The following SGCZ variants were observed in gnomAD, a reference collection of about 807,000 sequenced individuals.
The protein encoded by SGCZ is zeta-sarcoglycan.
In SGCZ, 40 loss-of-function variants were observed where a neutral mutation model predicts 41.3. The ratio of observed to expected loss-of-function variants is 0.97; its 90% CI spans 0.75 to 1.26. SGCZ has a LOEUF of 1.26. Among genes scored for constraint, SGCZ ranks in the 50% most tolerant of loss-of-function variants. The pLI is 0.00. For synonymous variants in SGCZ, 206 were observed against 137.5 expected (o/e 1.50, Z -3.49); for missense variants, 552 against 369.8 (o/e 1.49, Z -4.04).
intron 1 of SGCZ, among the ~76,000 whole-genome samples, chr8:15,211,282 T>TA (rs5889575): frequency 0.78 from 115,007 of 147,516 alleles, 45,016 homozygotes; most frequent in Non-Finnish European, 0.83. Flanking sequence ...ACTGGTTGCC[T>TA]AAAAAAAAAA....
chr8:14,591,187 A>G (rs1805228712), intron 1 of SGCZ, among the ~76,000 whole-genome samples: 1 of 151,862 alleles, frequency 6.6e-6, no homozygotes, highest in Admixed American at 6.6e-5. Context: ...GATTACAATC[A>G]TTTAACAATA....
chr8:15,090,735 G>A lies in SGCZ; in HGVS notation c.39+146850C>T, dbSNP rs553739476. On this transcript the variant is annotated intron_variant, in intron 1 of 7. Coordinates refer to ENST00000382080, the MANE Select transcript of SGCZ (RefSeq NM_139167.4). ...ATAGATGGTTAATGATGTGTGAGTC[G>A]ATAAAACACCTAGTTTGGGACTAAT... Among the ~76,000 whole-genome samples the A allele has an allele frequency of 5.0e-4, 76 of 152,272 alleles. 1 individual carries two copies. Among genetic ancestry groups the A allele is most frequent in the African/African-American group, 1.8e-3 (74 of 41,558 alleles).
chr8:14,516,635 T>C (rs995696669), intron 2 of SGCZ, among the ~76,000 whole-genome samples: 1 of 152,114 alleles, frequency 6.6e-6, no homozygotes, highest in Non-Finnish European at 1.5e-5. Flanking sequence ...ATTTGTTTGG[T>C]ACTATTCCTA....
In SGCZ at chr8:14,281,750, G is replaced by C. The variant is rs566133430; in HGVS notation, c.336+42353C>G. Among the ~76,000 whole-genome samples, 15 of 152,112 alleles carry C rather than the reference G, an allele frequency of 9.9e-5. 1 individual carries two copies. In the South Asian group the frequency reaches 3.1e-3, roughly 32 times the overall value. On this transcript the variant is annotated intron_variant, in intron 3 of 7. Coordinates refer to ENST00000382080, the MANE Select transcript of SGCZ (RefSeq NM_139167.4). ...TATTTGTGTCAATACAAAACACATAGAGGGGCCTGTGAGGTTATATCTTAT... is the reference window on the plus strand; with the variant it reads ...TATTTGTGTCAATACAAAACACATACAGGGGCCTGTGAGGTTATATCTTAT...
chr8:14,504,172 A>G (rs1443182943), intron 2 of SGCZ, among the ~76,000 whole-genome samples: 1 of 152,216 alleles, frequency 6.6e-6, no homozygotes, highest in Non-Finnish European at 1.5e-5. Flanking sequence ...ACTGAGATCT[A>G]TATCTGCTAC....
chr8:14,376,247 G>T (rs1008404833), intron 2 of SGCZ, among the ~76,000 whole-genome samples: 1 of 152,086 alleles, frequency 6.6e-6, no homozygotes, highest in Non-Finnish European at 1.5e-5. Context: ...GCAGGCGGAG[G>T]TTGCAGTGAG....
At chr8:14,312,241 A>G (rs1801570771) in intron 3 of SGCZ, among the ~76,000 whole-genome samples, 1 of 152,178 alleles carries the variant, frequency 6.6e-6, no homozygotes, top group Admixed American at 6.6e-5. Flanking sequence ...CTGTGGTTCA[A>G]ATTCAAAAAA....
At chr8:14,561,810 AT>A (rs538476519) in intron 1 of SGCZ, among the ~76,000 whole-genome samples, 5 of 152,150 alleles carry the variant, frequency 3.3e-5, no homozygotes, top group Admixed American at 2.0e-4. Context: ...CCAACGCAGT[AT>A]TTTATCTAAT....
intron 1 of SGCZ, among the ~76,000 whole-genome samples, chr8:14,794,022 T>C (rs922670687): frequency 1.3e-5 from 2 of 152,190 alleles, no homozygotes; most frequent in African/African-American, 4.8e-5. Flanking sequence ...TTGGAGAATA[T>C]GATGTCCTAA....
At chr8:15,212,130 A>G (rs904244061) in intron 1 of SGCZ, among the ~76,000 whole-genome samples, 3 of 152,142 alleles carry the variant, frequency 2.0e-5, no homozygotes, top group Non-Finnish European at 4.4e-5. Flanking sequence ...GACTGCATGG[A>G]TGCCTAAATA....
chr8:14,853,121 C>T (rs540701043), intron 1 of SGCZ, among the ~76,000 whole-genome samples: 2 of 152,224 alleles, frequency 1.3e-5, no homozygotes, highest in East Asian at 1.9e-4. Context: ...TTAAAGCATG[C>T]ATATAAAACT....
chr8:15,076,469 T>C (rs766195563), intron 1 of SGCZ, among the ~76,000 whole-genome samples: 1 of 152,172 alleles, frequency 6.6e-6, no homozygotes, highest in Non-Finnish European at 1.5e-5. Flanking sequence ...GAAATGGATG[T>C]CGTGGAAGCA....
chr8:15,199,342 A>G (rs1800825419), intron 1 of SGCZ, among the ~76,000 whole-genome samples: 1 of 152,190 alleles, frequency 6.6e-6, no homozygotes, highest in South Asian at 2.1e-4. Context: ...CCATAGAAGC[A>G]ATTCCCTCAA....
At chr8:14,473,628 T>C (rs571486881) in intron 2 of SGCZ, among the ~76,000 whole-genome samples, 3 of 152,168 alleles carry the variant, frequency 2.0e-5, no homozygotes, top group Admixed American at 6.6e-5. Flanking sequence ...AAATCTTATA[T>C]GTCAACAGAA....
At chr8:14,583,430 G>A (rs890840851) in intron 1 of SGCZ, among the ~76,000 whole-genome samples, 14 of 152,104 alleles carry the variant, frequency 9.2e-5, no homozygotes, top group African/African-American at 1.7e-4. Flanking sequence ...AGTAGGTTGC[G>A]AAACTTTTCT....
intron 1 of SGCZ, among the ~76,000 whole-genome samples, chr8:15,170,465 G>A (rs1799794362): frequency 6.6e-6 from 1 of 152,140 alleles, no homozygotes; most frequent in Admixed American, 6.5e-5. Flanking sequence ...TTAGAGACCA[G>A]CTTTCCACCT....
chr8:14,906,337 A>G (rs1011298199), intron 1 of SGCZ, among the ~76,000 whole-genome samples: 1 of 152,138 alleles, frequency 6.6e-6, no homozygotes, highest in East Asian at 1.9e-4. Context: ...ATACTCTTAA[A>G]AAGAGATTAT....
intron 1 of SGCZ, chr8:14,879,668 C>A (rs892355356): frequency 6.6e-6 from 1 of 151,624 alleles, no homozygotes; most frequent in Non-Finnish European, 1.5e-5. Flanking sequence ...ACTGGTGATA[C>A]TTTCAATAAG....
intron 1 of SGCZ, among the ~76,000 whole-genome samples, chr8:14,800,303 AT>A (rs1801281284): frequency 6.6e-6 from 1 of 152,164 alleles, no homozygotes. Flanking sequence ...TGTGTCTAAA[AT>A]TTTTTTAATA....
Sources: allele counts gnomAD v4.1 joint callset (sites outside exome capture counted in the v4.1 genomes callset), GRCh38; gene constraint gnomAD v4.1.1; transcripts MANE v1.5; gene names NCBI Gene and HGNC (gene_info 2026-07-23, HGNC 2026-07-21).